The following KCNH7 variants were observed in gnomAD, a reference collection of about 807,000 sequenced individuals.
KCNH7 encodes voltage-gated inwardly rectifying potassium channel KCNH7.
KCNH7 carries 49 observed loss-of-function variants against 120.8 expected under a neutral mutation model. That is an observed-to-expected ratio of 0.41 (90% CI 0.32 to 0.51). The LOEUF is 0.51. Ranked by LOEUF, KCNH7 falls within the 20% of genes least tolerant of loss-of-function variation. The probability of loss-of-function intolerance (pLI) is 0.38; values close to 1 mark genes in which losing one functional copy is unlikely to be tolerated. For synonymous variants in KCNH7, 547 were observed against 516.1 expected, an observed-to-expected ratio of 1.06 and a Z score of -0.81; for missense variants, 1,097 against 1,446.6, an observed-to-expected ratio of 0.76 and a Z score of 3.92.
rs565126351 is a variant in KCNH7, at chr2:162,384,258, G to A, written c.2962+430C>T. On this transcript the variant is annotated intron_variant, in intron 13 of 15. Coordinates refer to ENST00000332142, the MANE Select transcript of KCNH7 (RefSeq NM_033272.4). The stretch of plus-strand genomic sequence containing the variant: ...CATATTCTCTGTAAAATTAAATTTT[G>A]ATTGGCATGTATTATAGTGTGATTG... Among the ~76,000 whole-genome samples the A allele has an allele frequency of 2.0e-5, 3 of 151,984 alleles. No homozygotes were observed. The East Asian group carries it at 5.8e-4, about 29-fold the overall frequency.
At chr2:162,542,624 C>T (rs1402912388) in intron 2 of KCNH7, among the ~76,000 whole-genome samples, 1 of 151,906 alleles carries the variant, frequency 6.6e-6, no homozygotes, top group African/African-American at 2.4e-5. Context: ...TGTATATGTG[C>T]CACATTTCCT....
chr2:162,565,853 C>A (rs1179700804), intron 2 of KCNH7, among the ~76,000 whole-genome samples: 1 of 151,998 alleles, frequency 6.6e-6, no homozygotes, highest in Non-Finnish European at 1.5e-5. Flanking sequence ...CAAATATTAA[C>A]TTTACTTTGA....
chr2:162,614,714 C>T (rs1210807019), intron 2 of KCNH7, among the ~76,000 whole-genome samples: 1 of 147,696 alleles, frequency 6.8e-6, no homozygotes, highest in Admixed American at 6.8e-5. Context: ...TTATATACTA[C>T]ATATTATATA....
Position 162,645,323 on chromosome 2 carries a change from C to T in KCNH7, c.308-108243G>A, listed in dbSNP as rs528756518. ...CCACCATACCCAGCTAATTTTTATA[C>T]TTTTAGTAGAGACGGAATTTCACTA... On this transcript the variant is annotated intron_variant, in intron 2 of 15. Coordinates refer to ENST00000332142, the MANE Select transcript of KCNH7 (RefSeq NM_033272.4). 3.9e-5 allele frequency among the ~76,000 whole-genome samples: 6 copies of T among 152,118 alleles called. No homozygotes were observed. The South Asian group carries it at 1.0e-3, about 26-fold the overall frequency.
chr2:162,718,260 A>T (rs983603289), intron 2 of KCNH7, among the ~76,000 whole-genome samples: 1 of 152,002 alleles, frequency 6.6e-6, no homozygotes, highest in African/African-American at 2.4e-5. Context: ...TTTTTAACAT[A>T]TCAGGCTGTA....
At chr2:162,714,119 A>G (rs910422319) in intron 2 of KCNH7, among the ~76,000 whole-genome samples, 4 of 152,172 alleles carry the variant, frequency 2.6e-5, no homozygotes, top group African/African-American at 7.2e-5. Flanking sequence ...TTTACTAGTT[A>G]TTATCCACTA....
At chr2:162,387,231 T>C (rs1292081048) in intron 12 of KCNH7, among the ~76,000 whole-genome samples, 1 of 149,054 alleles carries the variant, frequency 6.7e-6, no homozygotes, top group East Asian at 2.0e-4. Context: ...TTCCATTCCA[T>C]ACTAGATAAA....
intron 2 of KCNH7, among the ~76,000 whole-genome samples, chr2:162,630,683 TGATTAAACACAGATTAGCA>T (rs1216933586): frequency 2.0e-5 from 3 of 152,052 alleles, no homozygotes; most frequent in Non-Finnish European, 4.4e-5. Flanking sequence ...GTAAAAGCAG[TGATTAAACACAGATTAGCA>T]ATATTAATGT....
intron 3 of KCNH7, among the ~76,000 whole-genome samples, chr2:162,523,596 T>C (rs988417207): frequency 6.6e-6 from 1 of 151,806 alleles, no homozygotes; most frequent in African/African-American, 2.4e-5. Flanking sequence ...TTGATTCTCA[T>C]CTATTACAGT....
chr2:162,644,153 G>C (rs1684268636), intron 2 of KCNH7, among the ~76,000 whole-genome samples: 2 of 151,944 alleles, frequency 1.3e-5, no homozygotes, highest in Admixed American at 1.3e-4. Flanking sequence ...AAAACAAATG[G>C]ACTTGAGGAA....
intron 8 of KCNH7, 34 bp from the exon 9 acceptor site, chr2:162,423,569 A>G (rs1262208073): frequency 6.3e-7 from 1 of 1,584,104 alleles, no homozygotes; most frequent in Non-Finnish European, 8.6e-7. Flanking sequence ...TATCGGGGAA[A>G]CTGCACATAG....
chr2:162,396,226 T>G (rs1017830702), intron 11 of KCNH7, among the ~76,000 whole-genome samples: 2 of 151,802 alleles, frequency 1.3e-5, no homozygotes, highest in Non-Finnish European at 2.9e-5. Flanking sequence ...CCATTAAAAC[T>G]GACAATACTG....
chr2:162,514,074 C>T (rs925055807), intron 4 of KCNH7, among the ~76,000 whole-genome samples: 3 of 151,806 alleles, frequency 2.0e-5, no homozygotes, highest in Non-Finnish European at 2.9e-5. Context: ...AAAATCTGTT[C>T]AGCATTTTGT....
chr2:162,720,656 T>A (rs1161443897), intron 2 of KCNH7, among the ~76,000 whole-genome samples: 1 of 152,128 alleles, frequency 6.6e-6, no homozygotes, highest in Non-Finnish European at 1.5e-5. Flanking sequence ...TGAATTTTGC[T>A]GAACCTGGTA....
chr2:162,677,356 T>C (rs1237387806), intron 2 of KCNH7, among the ~76,000 whole-genome samples: 1 of 151,472 alleles, frequency 6.6e-6, no homozygotes, highest in African/African-American at 2.4e-5. Context: ...AATATATCTA[T>C]TTTATCAACA....
intron 2 of KCNH7, among the ~76,000 whole-genome samples, chr2:162,639,483 A>G (rs556159584): frequency 5.1e-4 from 78 of 152,268 alleles, no homozygotes; most frequent in African/African-American, 1.5e-3. Flanking sequence ...GCTAGTCCTG[A>G]CTAACCCCAA....
intron 2 of KCNH7, among the ~76,000 whole-genome samples, chr2:162,726,855 A>G (rs544627179): frequency 6.6e-6 from 1 of 152,156 alleles, no homozygotes; most frequent in South Asian, 2.1e-4. Flanking sequence ...TCTGGGCTCT[A>G]TGTTCATTTG....
chr2:162,598,387 A>C (rs1694446838), intron 2 of KCNH7, among the ~76,000 whole-genome samples: 1 of 152,108 alleles, frequency 6.6e-6, no homozygotes, highest in African/African-American at 2.4e-5. Flanking sequence ...ATTTGATGGA[A>C]AAGTGATACA....
At chr2:162,625,801 C>T (rs907093096) in intron 2 of KCNH7, among the ~76,000 whole-genome samples, 13 of 151,940 alleles carry the variant, frequency 8.6e-5, no homozygotes, top group East Asian at 3.9e-4. Flanking sequence ...AAGAAAATTA[C>T]GGGAGGAGTG....
Sources: gnomAD v4.1 joint callset for allele counts (sites outside exome capture counted in the v4.1 genomes callset) on GRCh38, gnomAD v4.1.1 for gene constraint, MANE v1.5 for transcripts, NCBI Gene and HGNC (gene_info 2026-07-23, HGNC 2026-07-21) for gene names.